Variants in RALGPS1 observed in about 807,000 individuals in gnomAD.
RALGPS1 encodes Ral GEF with PH domain and SH3 binding motif 1.
A neutral mutation model predicts 78.8 loss-of-function variants in RALGPS1; 19 were observed. The ratio of observed to expected loss-of-function variants is 0.24; its 90% CI spans 0.17 to 0.35. RALGPS1 has a LOEUF of 0.35. Among genes scored for constraint, RALGPS1 ranks in the 10% least tolerant of loss-of-function variants. The probability of loss-of-function intolerance (pLI) is 1.00; values close to 1 mark genes in which losing one functional copy is unlikely to be tolerated. For synonymous variants in RALGPS1, 228 were observed against 256.3 expected (o/e 0.89, Z 1.06); for missense variants, 454 against 688.3 (o/e 0.66, Z 3.81).
chr9:127,045,754 C>CAT (rs1269167429), intron 5 of RALGPS1, among the ~76,000 whole-genome samples: 471 of 45,616 alleles, frequency 0.01, 5 homozygotes, highest in African/African-American at 0.025. Flanking sequence ...CACACACACA[C>CAT]ACACACATAC....
intron 8 of RALGPS1, among the ~76,000 whole-genome samples, chr9:127,128,139 G>A (rs574481599): frequency 2.6e-5 from 4 of 151,614 alleles, no homozygotes; most frequent in Non-Finnish European, 4.4e-5. Flanking sequence ...GAGAATGATG[G>A]TTTTCAGTTT....
rs1043000941 is a variant in RALGPS1 at position 127,183,780 on chromosome 9, T to C, written c.910+8998T>C. 26 of 1,180,790 alleles carry C rather than the reference T, an allele frequency of 2.2e-5. No homozygotes were observed. The highest frequency in any genetic ancestry group is 9.4e-5 in the Admixed American group (4 of 42,596). The allele number at this position is 1,180,790 out of a possible 1,614,324, so 73.1% of individuals were successfully genotyped here. On this transcript the variant is annotated intron_variant, in intron 11 of 18. Coordinates refer to ENST00000259351, the MANE Select transcript of RALGPS1 (RefSeq NM_014636.3). The surrounding 1 kb of genome is among the most constrained non-coding windows in gnomAD (Gnocchi z 4.0). ...CGTTTATATTTTCGGAATGGATGGG[T>C]GGGAGGGGCCCTCCATGAGGACCTC...
At chr9:127,105,667 T>A (rs1026106307) in intron 8 of RALGPS1, among the ~76,000 whole-genome samples, 1 of 152,194 alleles carries the variant, frequency 6.6e-6, no homozygotes. Context: ...GCATTCCTGA[T>A]TTTAGAAATT....
At chr9:127,172,867 G>A (rs990931209) in intron 10 of RALGPS1, among the ~76,000 whole-genome samples, 20 of 152,094 alleles carry the variant, frequency 1.3e-4, no homozygotes, top group African/African-American at 4.8e-4. Context: ...ATTGGGCAAT[G>A]CTCACCTGTT....
chr9:126,982,967 G>C lies in RALGPS1; in HGVS notation c.216+5222G>C, dbSNP rs1313620868. Reference sequence around the variant, plus strand: ...TTTTTTTTTTTTGAGGTGGAGTTTCGCTCTTGTTGCCCAGGCTGGAGTGCA... The same window carrying C: ...TTTTTTTTTTTTGAGGTGGAGTTTCCCTCTTGTTGCCCAGGCTGGAGTGCA... On this transcript the variant is annotated intron_variant, in intron 4 of 18. Transcript: ENST00000259351. 6.1e-5 allele frequency among the ~76,000 whole-genome samples: 5 copies of C among 81,372 alleles called. No homozygotes were observed. The East Asian group carries it at 2.0e-3, about 33-fold the overall frequency. The allele number at this position is 81,372 out of a possible 152,430, so 53.4% of individuals were successfully genotyped here.
chr9:127,093,765 CAG>C, intron 8 of RALGPS1: 1 of 1,614,082 alleles, frequency 6.2e-7, no homozygotes, highest in Non-Finnish European at 8.5e-7. Context: ...AAGAAGTTAA[CAG>C]AGCCATCCAG....
Position 127,180,982 on chromosome 9 carries a change from G to T in RALGPS1, c.910+6200G>T, listed in dbSNP as rs1208370004. Among the ~76,000 whole-genome samples, 3 of 152,264 alleles carry T rather than the reference G, an allele frequency of 2.0e-5. No homozygotes were observed. The East Asian group carries it at 5.8e-4, about 29-fold the overall frequency. ...GGCAGCCTCAGTATTGCAGCCTCCTGCAGGGCAGCTGGCTTTCACCCAGAG... is the reference window on the plus strand; with the variant it reads ...GGCAGCCTCAGTATTGCAGCCTCCTTCAGGGCAGCTGGCTTTCACCCAGAG... On this transcript the variant is annotated intron_variant, in intron 11 of 18. Coordinates refer to ENST00000259351, the MANE Select transcript of RALGPS1 (RefSeq NM_014636.3).
intron 1 of RALGPS1, among the ~76,000 whole-genome samples, chr9:126,958,158 T>TATATATATATATATATATATATATATAA: frequency 8.3e-6 from 1 of 121,126 alleles, no homozygotes. Flanking sequence ...TATATATATA[T>TATATATATATATATATATATATATATAA]ACACACACAC....
At chr9:127,035,027 C>T (rs1453398038) in intron 5 of RALGPS1, among the ~76,000 whole-genome samples, 2 of 152,152 alleles carry the variant, frequency 1.3e-5, no homozygotes, top group African/African-American at 4.8e-5. Context: ...CACATATCCC[C>T]ACATTGTACC....
chr9:127,042,160 A>G (rs2047375375), intron 5 of RALGPS1, among the ~76,000 whole-genome samples: 4 of 152,184 alleles, frequency 2.6e-5, no homozygotes, highest in Admixed American at 2.6e-4. Context: ...TTAACTGAAT[A>G]AAGTTGTGTC....
At chr9:126,930,619 T>A (rs1038342402) in intron 1 of RALGPS1, among the ~76,000 whole-genome samples, 3 of 152,020 alleles carry the variant, frequency 2.0e-5, no homozygotes, top group Non-Finnish European at 4.4e-5. Flanking sequence ...ATTAAAAAAA[T>A]ATTTTTAGTA....
intron 11 of RALGPS1, among the ~76,000 whole-genome samples, chr9:127,188,382 C>G (rs1280784501): frequency 6.6e-6 from 1 of 152,158 alleles, no homozygotes; most frequent in Non-Finnish European, 1.5e-5. Context: ...CTTAGCTGCA[C>G]TTTCAGTCCT....
rs1415840932 is a variant in RALGPS1, at chr9:127,211,055, T to G, written c.1248-1076T>G. On this transcript the variant is annotated intron_variant, in intron 14 of 18. Coordinates refer to ENST00000259351, the MANE Select transcript of RALGPS1 (RefSeq NM_014636.3). The surrounding 1 kb of genome is among the most constrained non-coding windows in gnomAD (Gnocchi z 5.0). ...CAAATAATTGGAAGTGGAGGGGCAA[T>G]GAGAATGTTCCCAGCAAAGGGACAG... Among the ~76,000 whole-genome samples the G allele has an allele frequency of 6.6e-6, 1 of 152,014 alleles. No homozygotes were observed. The highest frequency in any genetic ancestry group is 2.4e-5 in the African/African-American group (1 of 41,380).
chr9:126,942,338 T>C (rs577150585), intron 1 of RALGPS1, among the ~76,000 whole-genome samples: 1 of 152,274 alleles, frequency 6.6e-6, no homozygotes, highest in Non-Finnish European at 1.5e-5. Flanking sequence ...GTGTTTTCTT[T>C]AGTATTTTTC....
intron 8 of RALGPS1, among the ~76,000 whole-genome samples, chr9:127,123,229 C>T (rs959472548): frequency 1.3e-4 from 20 of 152,198 alleles, no homozygotes; most frequent in African/African-American, 4.8e-4. Context: ...GCTGTGGCAT[C>T]GGAGCTGCTC....
At chr9:126,993,916 A>G (rs2042498047) in intron 4 of RALGPS1, among the ~76,000 whole-genome samples, 1 of 152,204 alleles carries the variant, frequency 6.6e-6, no homozygotes, top group Admixed American at 6.5e-5. Context: ...CCAGGCAAAC[A>G]GGGTCTGGAG....
intron 11 of RALGPS1, among the ~76,000 whole-genome samples, chr9:127,188,747 C>T (rs968457451): frequency 8.0e-5 from 12 of 149,806 alleles, no homozygotes; most frequent in African/African-American, 2.7e-4. Context: ...CGGTGGATCA[C>T]TTGAGGCCAG....
In RALGPS1 at chr9:127,166,219, G is replaced by C; in HGVS notation, c.748+13G>C. On this transcript the variant is annotated intron_variant, in intron 9 of 18. Transcript: ENST00000259351. ...TCCTGCAGCTATGGTTAGTACCCTTGTTGTTAGAATTGTGAAATCTTACGT... is the reference window on the plus strand; with the variant it reads ...TCCTGCAGCTATGGTTAGTACCCTTCTTGTTAGAATTGTGAAATCTTACGT... 4 of 1,611,214 alleles carry C rather than the reference G, an allele frequency of 2.5e-6. No homozygotes were observed.
At chr9:126,989,067 TATCATCATCATCATCAGCATCATCATC>T (rs2042051794) in intron 4 of RALGPS1, among the ~76,000 whole-genome samples, 1 of 151,902 alleles carries the variant, frequency 6.6e-6, no homozygotes, top group Admixed American at 6.6e-5. Flanking sequence ...GACCCCACCT[TATCATCATCATCATCAGCATCATCATC>T]ATCATCATCA....
Sources: allele counts gnomAD v4.1 joint callset (sites outside exome capture counted in the v4.1 genomes callset), GRCh38; gene constraint gnomAD v4.1.1; non-coding constraint Gnocchi (gnomAD v3.1); transcripts MANE v1.5; gene names NCBI Gene and HGNC (gene_info 2026-07-23, HGNC 2026-07-21).